STK3: variants seen among roughly 807,000 people sequenced by gnomAD.
STK3 encodes serine/threonine kinase 3.
In STK3, 41 loss-of-function variants were observed where a neutral mutation model predicts 58.0. The observed-to-expected ratio is 0.71, with a 90% CI of 0.55 to 0.92. STK3 has a LOEUF of 0.92. STK3 is among the 40% of genes least tolerant of loss of function. The pLI is 0.00. For synonymous variants in STK3, 170 were observed against 191.0 expected, an observed-to-expected ratio of 0.89 and a Z score of 0.91; for missense variants, 479 against 602.7, an observed-to-expected ratio of 0.79 and a Z score of 2.15.
chr8:98,900,588 G>GT (rs963077772), intron 1 of STK3, among the ~76,000 whole-genome samples: 5 of 151,358 alleles, frequency 3.3e-5, no homozygotes, highest in African/African-American at 1.2e-4. Context: ...ATTACACATA[G>GT]TTTTTTGTAT....
intron 1 of STK3, among the ~76,000 whole-genome samples, chr8:98,794,377 A>C (rs1452885210): frequency 1.3e-5 from 2 of 152,194 alleles, no homozygotes; most frequent in Non-Finnish European, 2.9e-5. Flanking sequence ...TTCCTTAGGG[A>C]CAATTATGAA....
intron 3 of STK3, among the ~76,000 whole-genome samples, chr8:98,756,616 T>C (rs1360182696): frequency 1.3e-5 from 2 of 152,228 alleles, no homozygotes; most frequent in Non-Finnish European, 2.9e-5. Flanking sequence ...GAGAGACCAA[T>C]TAAAAAGTAA....
At chr8:98,926,842 G>T (rs181556767) in intron 1 of STK3, among the ~76,000 whole-genome samples, 3 of 152,172 alleles carry the variant, frequency 2.0e-5, no homozygotes, top group Non-Finnish European at 2.9e-5. Context: ...GCAAGCTTAG[G>T]TGTGCTATGG....
chr8:98,413,542 C>T, intron 3 of STK3: 2 of 652,232 alleles, frequency 3.1e-6, no homozygotes, highest in Non-Finnish European at 5.9e-6. Flanking sequence ...TCAACTGTGA[C>T]ATCATCTAGG....
chr8:98,610,115 G>A (rs924239699), intron 6 of STK3, among the ~76,000 whole-genome samples: 4 of 151,272 alleles, frequency 2.6e-5, no homozygotes, highest in Non-Finnish European at 5.9e-5. Flanking sequence ...AAATGAATCA[G>A]AGCTTCAAAA....
intron 4 of STK3, among the ~76,000 whole-genome samples, chr8:98,709,512 A>C (rs957358935): frequency 6.6e-6 from 1 of 152,224 alleles, no homozygotes; most frequent in Non-Finnish European, 1.5e-5. Context: ...ACTAAGACCA[A>C]TATCCCTTAT....
intron 1 of STK3, among the ~76,000 whole-genome samples, chr8:98,794,805 C>A (rs571385994): frequency 2.0e-5 from 3 of 151,870 alleles, no homozygotes; most frequent in Non-Finnish European, 4.4e-5. Flanking sequence ...CAGTGGCTCA[C>A]GCCTGTAATC....
intron 1 of STK3, among the ~76,000 whole-genome samples, chr8:98,780,496 A>G (rs1043935887): frequency 1.3e-5 from 2 of 152,246 alleles, no homozygotes; most frequent in Middle Eastern, 3.4e-3. Context: ...AAAGGAAACT[A>G]GCCCTTTTTT....
chr8:98,870,422 T>A (rs989644507), intron 3 of STK3, among the ~76,000 whole-genome samples: 46 of 152,220 alleles, frequency 3.0e-4, no homozygotes, highest in African/African-American at 1.1e-3. Context: ...CGCCACACTG[T>A]CTTCCACAAT....
At chr8:98,597,786 T>G (rs1470912915) in intron 6 of STK3, 4 of 984,130 alleles carry the variant, frequency 4.1e-6, no homozygotes, top group Non-Finnish European at 4.8e-6. Context: ...ATAGGATACA[T>G]ATCTCAGACC....
chr8:98,608,721 C>G (rs1285822324), intron 6 of STK3, among the ~76,000 whole-genome samples: 1 of 152,122 alleles, frequency 6.6e-6, no homozygotes, highest in Non-Finnish European at 1.5e-5. Context: ...CTGGTCCTTG[C>G]AATAGATAAA....
intron 10 of STK3, among the ~76,000 whole-genome samples, chr8:98,462,513 T>C (rs1048296886): frequency 1.3e-5 from 2 of 152,220 alleles, no homozygotes; most frequent in African/African-American, 4.8e-5. Context: ...CCGAACCTAC[T>C]ATGCTGTATT....
At chr8:98,711,066 G>A (rs1407331429) in intron 4 of STK3, among the ~76,000 whole-genome samples, 1 of 152,182 alleles carries the variant, frequency 6.6e-6, no homozygotes, top group African/African-American at 2.4e-5. Flanking sequence ...CAACAGACCT[G>A]CAGCTGAGGG....
chr8:98,375,579 C>A (rs1004463114), intron 2 of STK3, among the ~76,000 whole-genome samples: 2 of 152,196 alleles, frequency 1.3e-5, no homozygotes, highest in African/African-American at 4.8e-5. Flanking sequence ...AGGCCTTAAT[C>A]CCTGGAAACC....
chr8:98,715,152 C>A lies in STK3; in HGVS notation c.352-7841G>T, dbSNP rs183714679. Among the ~76,000 whole-genome samples, 268 of 152,138 alleles carry A rather than the reference C, an allele frequency of 1.8e-3. 1 individual carries two copies. The highest frequency in any genetic ancestry group is 2.4e-3 in the Non-Finnish European group (163 of 67,980). ...TAATTCAAGATGGATTAAAGACTTA[C>A]ATGTTAGACCTAAAACCAGAAAAAC... is the stretch of plus-strand genomic sequence containing the variant. On this transcript the variant is annotated intron_variant, in intron 4 of 10. Transcript: ENST00000419617.
At position 98,789,697 on chromosome 8, in the gene STK3, T is replaced by C. The variant is rs188488768; in HGVS notation, c.27-14878A>G. On this transcript the variant is annotated intron_variant, in intron 1 of 10. Coordinates refer to ENST00000419617, the MANE Select transcript of STK3 (RefSeq NM_006281.4). ...CTGGAAAGATAAAACCTTCCTGGCT[T>C]AAATCAGGAAGAATTAGATACCCTG... is the stretch of plus-strand genomic sequence containing the variant. 4.6e-5 allele frequency among the ~76,000 whole-genome samples: 7 copies of C among 152,166 alleles called. No homozygotes were observed. The East Asian group carries it at 7.7e-4, about 17-fold the overall frequency.
At chr8:98,603,237 T>G (rs1816502823) in intron 6 of STK3, 1 of 151,986 alleles carries the variant, frequency 6.6e-6, no homozygotes, top group African/African-American at 2.4e-5. Context: ...CTACAGTGTT[T>G]TTTTTTTTTA....
chr8:98,638,223 A>G (rs1563833354), intron 6 of STK3, among the ~76,000 whole-genome samples: 1 of 152,228 alleles, frequency 6.6e-6, no homozygotes, highest in East Asian at 1.9e-4. Flanking sequence ...GGTATTTTAA[A>G]AAGTACTCAA....
At chr8:98,525,220 T>C (rs1204499432) in intron 10 of STK3, among the ~76,000 whole-genome samples, 2 of 152,138 alleles carry the variant, frequency 1.3e-5, no homozygotes, top group Non-Finnish European at 2.9e-5. Context: ...AGCTAAACAA[T>C]GTGTACACAC....
Sources: gnomAD v4.1 joint callset for allele counts (sites outside exome capture counted in the v4.1 genomes callset) on GRCh38, gnomAD v4.1.1 for gene constraint, MANE v1.5 for transcripts, NCBI Gene and HGNC (gene_info 2026-07-23, HGNC 2026-07-21) for gene names.